Variants in KDM2A observed in about 807,000 individuals in gnomAD.
KDM2A encodes the protein lysine demethylase 2A.
KDM2A carries 3 observed loss-of-function variants against 137.3 expected under a neutral mutation model. The observed-to-expected ratio is 0.02, with a 90% confidence interval of 0.01 to 0.06. The LOEUF (loss-of-function observed/expected upper bound fraction) is 0.06. Ranked by LOEUF, KDM2A falls within the 10% of genes least tolerant of loss-of-function variation. KDM2A has a pLI of 1.00. For missense variants in KDM2A, 738 were observed against 1,510.6 expected, an observed-to-expected ratio of 0.49 and a Z score of 8.48; for synonymous variants, 512 against 541.5, an observed-to-expected ratio of 0.95 and a Z score of 0.76.
intron 2 of KDM2A, among the ~76,000 whole-genome samples, chr11:67,176,794 A>C (rs1856980053): frequency 6.6e-6 from 1 of 151,824 alleles, no homozygotes; most frequent in South Asian, 2.1e-4. Flanking sequence ...TATAAAAGGC[A>C]AAAAAAATGG....
At chr11:67,131,419 T>C (rs1326091100) in intron 2 of KDM2A, among the ~76,000 whole-genome samples, 3 of 151,096 alleles carry the variant, frequency 2.0e-5, no homozygotes, top group Non-Finnish European at 4.4e-5. Context: ...TTTCTTTTTT[T>C]TTTTTTTTTG....
intron 8 of KDM2A, 85 bp from the exon 9 acceptor site, chr11:67,217,646 T>C: frequency 4.3e-6 from 6 of 1,383,268 alleles, no homozygotes; most frequent in Non-Finnish European, 6.0e-6. Flanking sequence ...CCTGGTGGTC[T>C]TAATTTTGTA....
At chr11:67,252,927 G>A in intron 18 of KDM2A, 70 bp downstream of exon 18, 1 of 1,502,496 alleles carries the variant, frequency 6.7e-7, no homozygotes, top group Non-Finnish European at 9.0e-7. Context: ...TTGCATTATT[G>A]GCAGTGCTTC....
intron 11 of KDM2A, among the ~76,000 whole-genome samples, chr11:67,228,547 G>A (rs1858614207): frequency 6.6e-6 from 1 of 151,892 alleles, no homozygotes; most frequent in Non-Finnish European, 1.5e-5. Context: ...AGAAAATTGG[G>A]TAGGCATGGT....
intron 2 of KDM2A, among the ~76,000 whole-genome samples, chr11:67,140,068 C>G (rs1856062346): frequency 6.6e-6 from 1 of 151,952 alleles, no homozygotes; most frequent in African/African-American, 2.4e-5. Flanking sequence ...GAGAGAATAC[C>G]ATGGTTTGTG....
intron 12 of KDM2A, among the ~76,000 whole-genome samples, chr11:67,235,320 T>C (rs901301215): frequency 6.6e-6 from 1 of 150,822 alleles, no homozygotes; most frequent in South Asian, 2.1e-4. Flanking sequence ...TTTTTTTTTT[T>C]TGAGACTGAG....
chr11:67,214,993 C>T (rs943238802), intron 6 of KDM2A, among the ~76,000 whole-genome samples: 6 of 152,024 alleles, frequency 3.9e-5, no homozygotes, highest in African/African-American at 9.7e-5. Flanking sequence ...ACCTTCCAGA[C>T]AACACCTTTT....
intron 12 of KDM2A, among the ~76,000 whole-genome samples, chr11:67,238,808 A>G (rs953158723): frequency 6.6e-6 from 1 of 152,192 alleles, no homozygotes; most frequent in African/African-American, 2.4e-5. Context: ...TAAAAATCAC[A>G]TTGGCTCTAA....
At chr11:67,172,474 G>T (rs957055024) in intron 2 of KDM2A, among the ~76,000 whole-genome samples, 2 of 151,798 alleles carry the variant, frequency 1.3e-5, no homozygotes, top group African/African-American at 4.8e-5. Context: ...TAGCTTTCTG[G>T]TATATAAGTC....
At chr11:67,153,394 A>G (rs1856442842) in intron 2 of KDM2A, among the ~76,000 whole-genome samples, 1 of 152,068 alleles carries the variant, frequency 6.6e-6, no homozygotes, top group African/African-American at 2.4e-5. Flanking sequence ...GTTTTTAGAC[A>G]CCCTGGCTCC....
At chr11:67,183,965 T>C (rs956425640) in intron 5 of KDM2A, among the ~76,000 whole-genome samples, 5 of 150,684 alleles carry the variant, frequency 3.3e-5, no homozygotes, top group African/African-American at 1.2e-4. Flanking sequence ...AAAAATTAGC[T>C]GGGTGTGGTG....
chr11:67,213,774 G>T (rs899193901), intron 6 of KDM2A, among the ~76,000 whole-genome samples: 1 of 144,034 alleles, frequency 6.9e-6, no homozygotes, highest in Admixed American at 6.9e-5. Context: ...AAAAAAAAAA[G>T]ATTTCTGTAT....
intron 13 of KDM2A, 67 bp downstream of exon 13, chr11:67,243,159 G>A: frequency 8.5e-7 from 1 of 1,178,422 alleles, no homozygotes; most frequent in Non-Finnish European, 1.3e-6. Flanking sequence ...TTACCATTCT[G>A]GGGAAAACAA....
chr11:67,153,183 C>CT (rs1856434957), intron 2 of KDM2A, among the ~76,000 whole-genome samples: 1 of 152,128 alleles, frequency 6.6e-6, no homozygotes. Context: ...CAGGGTTTCA[C>CT]TATGTTGGTC....
chr11:67,134,353 C>G (rs1231037591), intron 2 of KDM2A, among the ~76,000 whole-genome samples: 1 of 152,098 alleles, frequency 6.6e-6, no homozygotes, highest in East Asian at 1.9e-4. Context: ...GTGCACAGGA[C>G]AGCCCTAACT....
chr11:67,139,072 A>C (rs917579501), intron 2 of KDM2A, among the ~76,000 whole-genome samples: 1 of 152,100 alleles, frequency 6.6e-6, no homozygotes, highest in Non-Finnish European at 1.5e-5. Flanking sequence ...TAAGTTTCTG[A>C]AGACTGCTTC....
At chr11:67,183,068 T>A (rs1857125656) in intron 5 of KDM2A, among the ~76,000 whole-genome samples, 1 of 152,218 alleles carries the variant, frequency 6.6e-6, no homozygotes, top group Non-Finnish European at 1.5e-5. Flanking sequence ...ATATCCCAGG[T>A]AGAGGAAAGT....
intron 2 of KDM2A, among the ~76,000 whole-genome samples, chr11:67,161,204 T>A (rs191502121): frequency 3.3e-5 from 5 of 152,274 alleles, no homozygotes; most frequent in Non-Finnish European, 7.4e-5. Flanking sequence ...CTATTAAAAA[T>A]TTTTTTAAAT....
intron 2 of KDM2A, among the ~76,000 whole-genome samples, chr11:67,146,848 C>T (rs61891340): frequency 0.023 from 3,450 of 152,198 alleles, 52 homozygotes; most frequent in East Asian, 0.055. Context: ...GCTTTCCTCC[C>T]TCACTTTCGT....
Sources: allele counts gnomAD v4.1 joint callset (sites outside exome capture counted in the v4.1 genomes callset), GRCh38; gene constraint gnomAD v4.1.1; transcripts MANE v1.5; gene names NCBI Gene and HGNC (gene_info 2026-07-23, HGNC 2026-07-21).